DOCK1: variants seen among roughly 807,000 people sequenced by gnomAD.
DOCK1 encodes dedicator of cytokinesis 1.
A neutral mutation model predicts 262.7 loss-of-function variants in DOCK1; 138 were observed. The ratio of observed to expected loss-of-function variants is 0.53; its 90% CI spans 0.46 to 0.61. The LOEUF (loss-of-function observed/expected upper bound fraction) is 0.61. Ranked by LOEUF, DOCK1 falls within the 20% of genes least tolerant of loss-of-function variation. DOCK1 has a pLI of 0.00. For missense variants in DOCK1, 1,908 were observed against 2,370.7 expected (o/e 0.80, Z 4.05); for synonymous variants, 866 against 867.4 (o/e 1.00, Z 0.03).
intron 1 of DOCK1, among the ~76,000 whole-genome samples, chr10:126,911,145 A>T (rs1341893728): frequency 6.6e-6 from 1 of 152,198 alleles, no homozygotes; most frequent in Non-Finnish European, 1.5e-5. Flanking sequence ...TAACTGTGCC[A>T]GTTCACATTC....
intron 2 of DOCK1, among the ~76,000 whole-genome samples, chr10:126,972,264 G>A (rs1435501335): frequency 6.6e-6 from 1 of 152,112 alleles, no homozygotes; most frequent in Non-Finnish European, 1.5e-5. Flanking sequence ...GGTGACAGTG[G>A]TTTTCCAATG....
rs1032140447 is a variant in DOCK1, at chr10:127,231,666, G to A, written c.2848-16342G>A. ...TACTAGAAATGACATCTATAACTTT[G>A]TCAGAAGCACATTCACTCATTAATT... On this transcript the variant is annotated intron_variant, in intron 27 of 51. Coordinates refer to ENST00000623213, the MANE Select transcript of DOCK1 (RefSeq NM_001290223.2). Among the ~76,000 whole-genome samples the A allele has an allele frequency of 4.6e-5, 7 of 152,248 alleles. No homozygotes were observed. The Middle Eastern group carries it at 0.01, about 222-fold the overall frequency.
intron 25 of DOCK1, among the ~76,000 whole-genome samples, chr10:127,119,529 G>GA (rs1459569553): frequency 6.6e-6 from 1 of 152,150 alleles, no homozygotes; most frequent in African/African-American, 2.4e-5. Context: ...ATGGAGGGAG[G>GA]AAAGCACGTG....
At chr10:127,231,708 C>T (rs2134569390) in intron 27 of DOCK1, among the ~76,000 whole-genome samples, 1 of 152,302 alleles carries the variant, frequency 6.6e-6, no homozygotes, top group African/African-American at 2.4e-5. Flanking sequence ...ATCATTGTCC[C>T]CTTATTTAGA....
chr10:127,253,484 G>T (rs908373431), intron 28 of DOCK1, among the ~76,000 whole-genome samples: 1 of 152,058 alleles, frequency 6.6e-6, no homozygotes, highest in African/African-American at 2.4e-5. Context: ...AAGGAAAAGG[G>T]CTTATCTGAC....
chr10:126,960,249 C>T (rs900562354), intron 1 of DOCK1, among the ~76,000 whole-genome samples: 12 of 151,888 alleles, frequency 7.9e-5, no homozygotes, highest in Non-Finnish European at 1.8e-4. Flanking sequence ...GGCATGGCTG[C>T]TGAGATGGAG....
At chr10:127,013,191 GCTTT>G (rs1420282063) in intron 12 of DOCK1, among the ~76,000 whole-genome samples, 1 of 152,204 alleles carries the variant, frequency 6.6e-6, no homozygotes. Context: ...GGGACCTCCA[GCTTT>G]CTTCTGGTGT....
At chr10:127,442,204 A>G (rs1287901639) in intron 49 of DOCK1, among the ~76,000 whole-genome samples, 2 of 152,060 alleles carry the variant, frequency 1.3e-5, no homozygotes, top group Non-Finnish European at 2.9e-5. Flanking sequence ...TCCCAAGCCT[A>G]GTTCCCATTT....
chr10:126,912,125 C>A (rs190448474), intron 1 of DOCK1, among the ~76,000 whole-genome samples: 80 of 152,240 alleles, frequency 5.3e-4, no homozygotes, highest in Middle Eastern at 3.4e-3. Flanking sequence ...GTCCTCATTT[C>A]CTCTTCTTAC....
chr10:126,957,850 GAC>G (rs1183480216), intron 1 of DOCK1, among the ~76,000 whole-genome samples: 2 of 152,186 alleles, frequency 1.3e-5, no homozygotes, highest in Non-Finnish European at 2.9e-5. Flanking sequence ...AGAATGGATA[GAC>G]ACATTGTGAT....
intron 7 of DOCK1, 194 bp from the exon 8 acceptor site, chr10:126,997,898 G>T (rs551638721): frequency 9.3e-6 from 6 of 644,222 alleles, no homozygotes; most frequent in Middle Eastern, 4.2e-4. Flanking sequence ...AGTTGCACAG[G>T]ATACAATTTT....
At chr10:127,067,967 C>T (rs534843075) in intron 23 of DOCK1, among the ~76,000 whole-genome samples, 1 of 152,100 alleles carries the variant, frequency 6.6e-6, no homozygotes, top group African/African-American at 2.4e-5. Flanking sequence ...GGTTTGTCTT[C>T]CTTCTGGGGC....
chr10:127,134,311 T>G (rs1244177254), intron 27 of DOCK1, among the ~76,000 whole-genome samples: 1 of 152,170 alleles, frequency 6.6e-6, no homozygotes, highest in Non-Finnish European at 1.5e-5. Flanking sequence ...GGCTGGGCCA[T>G]GACTGTGACA....
At chr10:127,357,741 A>G (rs1306817244) in intron 32 of DOCK1, among the ~76,000 whole-genome samples, 1 of 152,220 alleles carries the variant, frequency 6.6e-6, no homozygotes. Context: ...AGTAACAGTC[A>G]GCCACCAGAC....
chr10:127,261,592 GGT>G (rs2060122061), intron 29 of DOCK1, among the ~76,000 whole-genome samples: 1 of 86,966 alleles, frequency 1.1e-5, no homozygotes. Flanking sequence ...TGTGCATGTG[GGT>G]GTGTGCCTGC....
chr10:126,954,602 C>T (rs1246245555), intron 1 of DOCK1, among the ~76,000 whole-genome samples: 1 of 152,206 alleles, frequency 6.6e-6, no homozygotes, highest in African/African-American at 2.4e-5. Flanking sequence ...CCTCCTCCTC[C>T]CAGCCCCTGG....
At chr10:126,958,793 G>C (rs1442583965) in intron 1 of DOCK1, among the ~76,000 whole-genome samples, 1 of 152,144 alleles carries the variant, frequency 6.6e-6, no homozygotes, top group Admixed American at 6.6e-5. Flanking sequence ...GTTCAGGGGA[G>C]GGTCACTGCT....
chr10:127,408,925 T>C, intron 40 of DOCK1, 112 bp from the exon 41 acceptor site: 2 of 1,361,274 alleles, frequency 1.5e-6, no homozygotes, highest in Admixed American at 2.9e-5. Flanking sequence ...TTCTTAAATT[T>C]AATGACATTT....
At chr10:126,972,071 T>A (rs1324200556) in intron 2 of DOCK1, among the ~76,000 whole-genome samples, 1 of 152,008 alleles carries the variant, frequency 6.6e-6, no homozygotes, top group Non-Finnish European at 1.5e-5. Flanking sequence ...CATGTGTCAC[T>A]GTACCCACCT....
Sources: allele counts gnomAD v4.1 joint callset (sites outside exome capture counted in the v4.1 genomes callset), GRCh38; gene constraint gnomAD v4.1.1; transcripts MANE v1.5; gene names NCBI Gene and HGNC (gene_info 2026-07-23, HGNC 2026-07-21).